Variants in FBXO31 observed in about 807,000 individuals in gnomAD.
FBXO31 encodes the protein F-box only protein 31.
Under a neutral mutation model 54.4 loss-of-function variants are expected in FBXO31, and 24 were observed. That is an observed-to-expected ratio of 0.44 (90% CI 0.32 to 0.62). The LOEUF is 0.62. Ranked by LOEUF, FBXO31 falls within the 20% of genes least tolerant of loss-of-function variation. The probability of loss-of-function intolerance (pLI) is 0.05; values close to 1 mark genes in which losing one functional copy is unlikely to be tolerated. For synonymous variants in FBXO31, 388 were observed against 335.6 expected, an observed-to-expected ratio of 1.16 and a Z score of -1.71; for missense variants, 665 against 787.1, an observed-to-expected ratio of 0.84 and a Z score of 1.86.
intron 2 of FBXO31, among the ~76,000 whole-genome samples, chr16:87,352,404 G>A (rs1905702047): frequency 6.6e-6 from 1 of 152,148 alleles, no homozygotes; most frequent in Non-Finnish European, 1.5e-5. Context: ...ATTACCAGAT[G>A]CTGAGACTTG....
rs775220527 is a variant in FBXO31 at position 87,334,244 on chromosome 16, C to T, written c.1039G>A (p.Asp347Asn). ...IPAGQQTVEI[D>N]LRHRIQLPDL... ...GGCAGCTGGATCCGATGCCTCAGGT[C>T]GATCTCCACTGTCTGCTGCCCAGCG... The change falls in exon 8 of 9, where the codon GAC (aspartate) becomes AAC (asparagine). Residue 347 changes from aspartate to asparagine, a missense_variant. Asp to Asn is a conservative substitution (Grantham distance 23). Transcript: ENST00000311635. 5.6e-6 allele frequency: 9 copies of T among 1,607,408 alleles called. No homozygotes were observed. The highest frequency in any genetic ancestry group is 5.0e-5 in the Admixed American group (3 of 59,492).
At chr16:87,370,924 G>C (rs1235630122) in intron 1 of FBXO31, among the ~76,000 whole-genome samples, 2 of 152,330 alleles carry the variant, frequency 1.3e-5, no homozygotes, top group African/African-American at 4.8e-5. Context: ...AGGAAGTTAA[G>C]GCACAGGGAA....
At chr16:87,355,350 A>T (rs4240793) in intron 2 of FBXO31, among the ~76,000 whole-genome samples, 3 of 152,014 alleles carry the variant, frequency 2.0e-5, no homozygotes, top group Admixed American at 2.0e-4. Context: ...AAAGGTTTGG[A>T]TGCTGTGAGA....
intron 8 of FBXO31, among the ~76,000 whole-genome samples, chr16:87,333,082 C>A (rs1408404755): frequency 6.6e-6 from 1 of 152,226 alleles, no homozygotes; most frequent in African/African-American, 2.4e-5. Flanking sequence ...TTAAACAGCT[C>A]TAAAGGGTAA....
intron 1 of FBXO31, among the ~76,000 whole-genome samples, chr16:87,366,134 G>C (rs1389861966): frequency 6.6e-6 from 1 of 152,128 alleles, no homozygotes; most frequent in African/African-American, 2.4e-5. Context: ...TGAATGCCAC[G>C]GGGGCTCCCA....
chr16:87,375,899 C>T (rs1215739283), intron 1 of FBXO31, among the ~76,000 whole-genome samples: 3 of 152,234 alleles, frequency 2.0e-5, no homozygotes, highest in Non-Finnish European at 4.4e-5. Flanking sequence ...CAGCTCCAAG[C>T]TGCCCCTGCC....
At chr16:87,376,258 A>C (rs962488389) in intron 1 of FBXO31, among the ~76,000 whole-genome samples, 4 of 150,956 alleles carry the variant, frequency 2.6e-5, no homozygotes, top group African/African-American at 9.7e-5. Flanking sequence ...TGGGAAACTC[A>C]ATTTTCTTTT....
chr16:87,336,871 A>G lies in FBXO31; in HGVS notation c.733-607T>C, dbSNP rs1415541523. Among the ~76,000 whole-genome samples, 2 of 152,186 alleles carry G rather than the reference A, an allele frequency of 1.3e-5. No homozygotes were observed. Among genetic ancestry groups the G allele is most frequent in the South Asian group, 2.1e-4 (1 of 4,836 alleles). On this transcript the variant is annotated intron_variant, in intron 5 of 8. Transcript: ENST00000311635. The surrounding 1 kb of genome is among the most constrained non-coding windows in gnomAD (Gnocchi z 6.5). ...ATTCTGCCATCACATGGTGCTGAGGATATTTCGTGCTTAATGGTTTGATTC... is the reference window on the plus strand; with the variant it reads ...ATTCTGCCATCACATGGTGCTGAGGGTATTTCGTGCTTAATGGTTTGATTC...
intron 2 of FBXO31, among the ~76,000 whole-genome samples, chr16:87,352,670 C>A (rs1905714968): frequency 6.6e-6 from 1 of 152,172 alleles, no homozygotes; most frequent in African/African-American, 2.4e-5. Flanking sequence ...ACTCTGGGAG[C>A]ACAGATCTGG....
At chr16:87,391,040 T>C (rs185159550), upstream of FBXO31, among the ~76,000 whole-genome samples, 99 of 152,314 alleles carry the variant, frequency 6.5e-4, 1 homozygote, top group Non-Finnish European at 1.2e-3. Context: ...TTCAAAGTAT[T>C]AGATGTTAAA....
At chr16:87,377,483 A>G (rs1053391769) in intron 1 of FBXO31, among the ~76,000 whole-genome samples, 6 of 152,176 alleles carry the variant, frequency 3.9e-5, no homozygotes, top group African/African-American at 1.4e-4. Context: ...AGTCACTATA[A>G]ATGAAGTTGA....
intron 1 of FBXO31, among the ~76,000 whole-genome samples, chr16:87,374,334 C>T (rs946636581): frequency 6.6e-5 from 10 of 152,098 alleles, no homozygotes; most frequent in African/African-American, 2.4e-4. Flanking sequence ...CACAGCTTAG[C>T]CTAGCCCACC....
At chr16:87,343,505 G>A in intron 4 of FBXO31, 93 bp downstream of exon 4, 1 of 1,453,720 alleles carries the variant, frequency 6.9e-7, no homozygotes, top group African/African-American at 1.4e-5. Flanking sequence ...CTACAGCCCA[G>A]GTCTGCAGCT....
rs1027752566 is a variant in FBXO31, at chr16:87,335,692, C to T, written c.843-235G>A. Among the ~76,000 whole-genome samples the T allele has an allele frequency of 6.6e-6, 1 of 152,168 alleles. No individual in the cohort carries two copies. Among genetic ancestry groups the T allele is most frequent in the Non-Finnish European group, 1.5e-5 (1 of 68,020 alleles). ...CTTCTGGGGTTAAGGGGGGCATCAG[C>T]GCCAGGGCAGAGCTTTAGGTGGGAG... On this transcript the variant is annotated intron_variant, in intron 6 of 8. Transcript: ENST00000311635. The surrounding 1 kb of genome is among the most constrained non-coding windows in gnomAD (Gnocchi z 5.7).
At position 87,328,498 on chromosome 16, in the gene FBXO31, T is replaced by G. The variant is rs1396658106; in HGVS notation, c.*2790A>C. On this transcript the variant is annotated 3_prime_UTR_variant, in exon 9 of 9. Transcript: ENST00000311635. ...CTGCAAAGCCACTCACACTCAGCAG[T>G]GGACACTTGAGGTCACGGCCCAGGT... 6.6e-6 allele frequency: 1 copy of G among 152,290 alleles called. No individual in the cohort carries two copies. Among genetic ancestry groups the G allele is most frequent in the Non-Finnish European group, 1.5e-5 (1 of 68,086 alleles). The allele number at this position is 152,290 out of a possible 1,614,324, so 9.4% of individuals were successfully genotyped here. A position where few individuals can be genotyped will look rare whatever the true frequency, so the allele number is the denominator to read the frequency against.
At chr16:87,351,766 G>A (rs1905670487) in intron 2 of FBXO31, among the ~76,000 whole-genome samples, 1 of 152,184 alleles carries the variant, frequency 6.6e-6, no homozygotes, top group Admixed American at 6.5e-5. Context: ...CTACGTGGGA[G>A]GCGGAGGCAG....
chr16:87,334,052 C>A lies in FBXO31; in HGVS notation c.1231G>T (p.Ala411Ser), dbSNP rs1904958584. The A allele has an allele frequency of 2.5e-6, 4 of 1,612,304 alleles. No homozygotes were observed. The highest frequency in any genetic ancestry group is 2.5e-6 in the Non-Finnish European group (3 of 1,179,554). Reference sequence around the variant, plus strand: ...GTCCCATCTGGGCCCTTGCTGGGCGCCTCTGCCCTGGGCTGGGCAGGGCTT... The same window carrying A: ...GTCCCATCTGGGCCCTTGCTGGGCGACTCTGCCCTGGGCTGGGCAGGGCTT... ...QPSPAQPRAE[A>S]PSKGPDGTPG... Residue 411 changes from alanine (A) to serine (S), a missense_variant, in exon 8 of 9, where the codon GCG becomes TCG. Physicochemically the swap from Ala to Ser is moderately conservative, Grantham distance 99. Transcript: ENST00000311635.
At chr16:87,373,140 A>G (rs1012121112) in intron 1 of FBXO31, among the ~76,000 whole-genome samples, 3 of 151,634 alleles carry the variant, frequency 2.0e-5, no homozygotes, top group African/African-American at 4.8e-5. Flanking sequence ...AACAGATGTG[A>G]TCCACAACAC....
At chr16:87,360,271 A>T (rs1369239892) in intron 2 of FBXO31, 24 bp downstream of exon 2, 1 of 1,604,562 alleles carries the variant, frequency 6.2e-7, no homozygotes, top group Non-Finnish European at 8.5e-7. Context: ...TTAATCATGG[A>T]TGGTAACAAA....
Sources: allele counts gnomAD v4.1 joint callset (sites outside exome capture counted in the v4.1 genomes callset), GRCh38; gene constraint gnomAD v4.1.1; non-coding constraint Gnocchi (gnomAD v3.1); transcripts MANE v1.5; gene names NCBI Gene and HGNC (gene_info 2026-07-23, HGNC 2026-07-21).